Variants in NRXN2 observed in about 807,000 individuals in gnomAD.
NRXN2 encodes neurexin-2-beta.
In NRXN2, 29 loss-of-function variants were observed where a neutral mutation model predicts 128.8. The ratio of observed to expected loss-of-function variants is 0.23; its 90% CI spans 0.17 to 0.31. NRXN2 has a LOEUF of 0.31. NRXN2 is among the 10% of genes least tolerant of loss of function. The pLI is 1.00. For missense variants in NRXN2, 1,881 were observed against 2,452.6 expected, an observed-to-expected ratio of 0.77 and a Z score of 4.92; for synonymous variants, 1,098 against 1,075.2, an observed-to-expected ratio of 1.02 and a Z score of -0.41.
At chr11:64,686,564 AT>A (rs1427122996) in intron 5 of NRXN2, among the ~76,000 whole-genome samples, 1 of 152,214 alleles carries the variant, frequency 6.6e-6, no homozygotes, top group Non-Finnish European at 1.5e-5. Flanking sequence ...CACGAAGGCG[AT>A]GCAGGTGACA....
At chr11:64,663,860 TA>T (rs2049398258) in intron 9 of NRXN2, among the ~76,000 whole-genome samples, 1 of 152,164 alleles carries the variant, frequency 6.6e-6, no homozygotes, top group Admixed American at 6.5e-5. Context: ...TATTCAGCCC[TA>T]AAAAGGAAGG....
chr11:64,618,359 C>A (rs1275940550), intron 22 of NRXN2, among the ~76,000 whole-genome samples: 4 of 152,220 alleles, frequency 2.6e-5, no homozygotes, highest in Admixed American at 2.6e-4. Context: ...AGCAGAGACT[C>A]CTCCTGTTAC....
At chr11:64,669,459 C>T (rs1385101699) in intron 7 of NRXN2, among the ~76,000 whole-genome samples, 2 of 152,122 alleles carry the variant, frequency 1.3e-5, no homozygotes, top group African/African-American at 2.4e-5. Flanking sequence ...AGGGAACAGA[C>T]GGGGACAGGG....
intron 17 of NRXN2, among the ~76,000 whole-genome samples, chr11:64,644,393 C>T (rs540296079): frequency 3.9e-5 from 6 of 152,298 alleles, no homozygotes; most frequent in African/African-American, 1.4e-4. Flanking sequence ...CTGCCCCTCC[C>T]CCAGCCCCAA....
At position 64,688,660 on chromosome 11, in the gene NRXN2, C is replaced by T. The variant is rs936272034; in HGVS notation, c.850+1745G>A. The T allele has an allele frequency of 2.0e-5, 20 of 985,284 alleles. No individual in the cohort carries two copies. In the African/African-American group the frequency reaches 3.5e-4, roughly 17 times the overall value. The allele number at this position is 985,284 out of a possible 1,614,324, so 61.0% of individuals were successfully genotyped here. A position where few individuals can be genotyped will look rare whatever the true frequency, so the allele number is the denominator to read the frequency against. On this transcript the variant is annotated intron_variant, in intron 5 of 22. Coordinates refer to ENST00000265459, the MANE Select transcript of NRXN2 (RefSeq NM_015080.4). ...GCACAATTACCGCCCCTAATTGCTCCGGACCGAGAAAGGAAGATAATAGCT... is the reference window on the plus strand; with the variant it reads ...GCACAATTACCGCCCCTAATTGCTCTGGACCGAGAAAGGAAGATAATAGCT...
chr11:64,679,362 G>A (rs1199959123), intron 6 of NRXN2, among the ~76,000 whole-genome samples: 1 of 152,198 alleles, frequency 6.6e-6, no homozygotes, highest in Non-Finnish European at 1.5e-5. Context: ...TGAGGGCCAG[G>A]CGTGGTGGGT....
At chr11:64,722,808 C>T (rs1260517167) in intron 1 of NRXN2, among the ~76,000 whole-genome samples, 163 bp downstream of exon 1, 2 of 150,538 alleles carry the variant, frequency 1.3e-5, no homozygotes, top group Non-Finnish European at 3.0e-5. Flanking sequence ...CCCCCAGCGG[C>T]TTTGCCTCCT....
At chr11:64,652,879 T>C (rs563104768) in intron 12 of NRXN2, among the ~76,000 whole-genome samples, 2 of 152,222 alleles carry the variant, frequency 1.3e-5, no homozygotes, top group South Asian at 4.1e-4. Flanking sequence ...AACATACTTA[T>C]CTTTCAAATG....
chr11:64,678,680 CCT>C (rs776599466), intron 6 of NRXN2, among the ~76,000 whole-genome samples: 58 of 152,088 alleles, frequency 3.8e-4, no homozygotes, highest in Admixed American at 2.4e-3. Flanking sequence ...CCAAATTACC[CCT>C]GTCTTTGGGG....
intron 17 of NRXN2, among the ~76,000 whole-genome samples, chr11:64,638,785 C>G (rs949078856): frequency 6.6e-6 from 1 of 152,206 alleles, no homozygotes; most frequent in African/African-American, 2.4e-5. Context: ...AAGAAAGCCT[C>G]TGGCCAAACA....
At chr11:64,684,321 C>T (rs1047578366) in intron 6 of NRXN2, among the ~76,000 whole-genome samples, 24 of 152,180 alleles carry the variant, frequency 1.6e-4, no homozygotes, top group African/African-American at 5.3e-4. Flanking sequence ...CAGATGTGCT[C>T]GGTAATGACA....
chr11:64,639,672 T>A (rs1009439548), intron 17 of NRXN2, among the ~76,000 whole-genome samples: 4 of 151,290 alleles, frequency 2.6e-5, no homozygotes, highest in South Asian at 4.2e-4. Flanking sequence ...GTAAGGACAT[T>A]ATGTAACAGG....
intron 7 of NRXN2, among the ~76,000 whole-genome samples, chr11:64,674,404 CTGG>C (rs2051037195): frequency 1.3e-5 from 2 of 152,120 alleles, no homozygotes; most frequent in Non-Finnish European, 2.9e-5. Flanking sequence ...GTTGGCCAGG[CTGG>C]CCTTGAACTC....
At chr11:64,662,835 ATC>A (rs2049241685) in intron 9 of NRXN2, among the ~76,000 whole-genome samples, 1 of 152,036 alleles carries the variant, frequency 6.6e-6, no homozygotes, top group African/African-American at 2.4e-5. Flanking sequence ...GTTGAGTTCA[ATC>A]TCTCTCCTCA....
chr11:64,658,806 C>A (rs2048623916), intron 11 of NRXN2, among the ~76,000 whole-genome samples: 2 of 152,014 alleles, frequency 1.3e-5, no homozygotes, highest in South Asian at 4.2e-4. Context: ...GCGGGTGGAT[C>A]ACGAGGCCAG....
intron 19 of NRXN2, among the ~76,000 whole-genome samples, chr11:64,629,837 T>C (rs192141492): frequency 2.0e-5 from 3 of 152,304 alleles, no homozygotes; most frequent in Admixed American, 6.5e-5. Context: ...CCTTGGACAC[T>C]GGGGGTCCTT....
At chr11:64,641,873 C>T (rs2045723215) in intron 17 of NRXN2, among the ~76,000 whole-genome samples, 1 of 151,576 alleles carries the variant, frequency 6.6e-6, no homozygotes, top group Non-Finnish European at 1.5e-5. Context: ...AAGGGAGACA[C>T]TAGAGATTAG....
chr11:64,659,055 T>G (rs1461121868), intron 11 of NRXN2, among the ~76,000 whole-genome samples: 1 of 152,204 alleles, frequency 6.6e-6, no homozygotes, highest in Non-Finnish European at 1.5e-5. Context: ...AAGCTCTGTA[T>G]TCTCTCCAGT....
At position 64,714,189 on chromosome 11, in the gene NRXN2, C is replaced by T. The variant is rs1029915982; in HGVS notation, c.-244-246G>A. 1.4e-5 allele frequency among the ~76,000 whole-genome samples: 2 copies of T among 142,910 alleles called. No homozygotes were observed. The highest frequency in any genetic ancestry group is 5.0e-5 in the African/African-American group (2 of 39,776). The allele number at this position is 142,910 out of a possible 152,430, so 93.8% of individuals were successfully genotyped here. Reference sequence around the variant, plus strand: ...TTGAGATGTGGACAGGGAGAGGTGACACGTTCGAGCCCGGCAGGAGCCCAA... The same window carrying T: ...TTGAGATGTGGACAGGGAGAGGTGATACGTTCGAGCCCGGCAGGAGCCCAA... On this transcript the variant is annotated intron_variant, in intron 1 of 22. Coordinates refer to ENST00000265459, the MANE Select transcript of NRXN2 (RefSeq NM_015080.4). The surrounding 1 kb of genome is among the most constrained non-coding windows in gnomAD (Gnocchi z 4.5).
Sources: allele counts gnomAD v4.1 joint callset (sites outside exome capture counted in the v4.1 genomes callset), GRCh38; gene constraint gnomAD v4.1.1; non-coding constraint Gnocchi (gnomAD v3.1); transcripts MANE v1.5; gene names NCBI Gene and HGNC (gene_info 2026-07-23, HGNC 2026-07-21).